The following APP variants were observed in gnomAD, a reference collection of about 807,000 sequenced individuals.
The protein encoded by APP is amyloid beta precursor protein.
A neutral mutation model predicts 101.4 loss-of-function variants in APP; 31 were observed. The ratio of observed to expected loss-of-function variants is 0.31; its 90% CI spans 0.23 to 0.41. The LOEUF (loss-of-function observed/expected upper bound fraction) is 0.41, where lower values mean the gene tolerates loss of function less well. Ranked by LOEUF, APP falls within the 10% of genes least tolerant of loss-of-function variation. The probability of loss-of-function intolerance (pLI) is 1.00; values close to 1 mark genes in which losing one functional copy is unlikely to be tolerated. For missense variants in APP, 839 were observed against 1,003.7 expected (o/e 0.84, Z 2.22); for synonymous variants, 366 against 364.4 (o/e 1.00, Z -0.05).
chr21:26,102,345 T>G (rs1413038149), intron 2 of APP, among the ~76,000 whole-genome samples: 3 of 152,066 alleles, frequency 2.0e-5, no homozygotes, highest in Non-Finnish European at 4.4e-5. Flanking sequence ...CGCCTCGGCC[T>G]CCCAAAGTGC....
intron 15 of APP, among the ~76,000 whole-genome samples, chr21:25,901,503 C>A (rs181497038): frequency 2.6e-5 from 4 of 152,138 alleles, no homozygotes; most frequent in Non-Finnish European, 5.9e-5. Flanking sequence ...TATAATAGTT[C>A]ATGTTTGTTT....
At chr21:26,124,448 T>A (rs751930887) in intron 1 of APP, among the ~76,000 whole-genome samples, 8 of 152,250 alleles carry the variant, frequency 5.3e-5, no homozygotes, top group Non-Finnish European at 1.0e-4. Context: ...AATTCTTTGA[T>A]AACACATTCC....
At chr21:26,076,751 C>T (rs959937062) in intron 3 of APP, among the ~76,000 whole-genome samples, 1 of 152,118 alleles carries the variant, frequency 6.6e-6, no homozygotes, top group Non-Finnish European at 1.5e-5. Context: ...AGTAACTTGA[C>T]TTGCAACTTC....
chr21:26,140,061 G>C (rs1214396193), intron 1 of APP: 1 of 1,002,326 alleles, frequency 1.0e-6, no homozygotes, highest in African/African-American at 1.6e-5. Flanking sequence ...AAGTAACATT[G>C]TACTTTTGAA....
chr21:26,029,260 C>T (rs1420338031), intron 5 of APP, among the ~76,000 whole-genome samples: 1 of 152,106 alleles, frequency 6.6e-6, no homozygotes, highest in Non-Finnish European at 1.5e-5. Flanking sequence ...CTGCTGGGCA[C>T]AGAATGGTCT....
At chr21:25,888,369 G>A (rs992601361) in intron 17 of APP, among the ~76,000 whole-genome samples, 4 of 152,172 alleles carry the variant, frequency 2.6e-5, no homozygotes, top group Non-Finnish European at 5.9e-5. Flanking sequence ...AGGCTGGGTT[G>A]CAACTCCCTG....
At chr21:25,887,133 C>G (rs1439082583) in intron 17 of APP, among the ~76,000 whole-genome samples, 1 of 152,082 alleles carries the variant, frequency 6.6e-6, no homozygotes, top group African/African-American at 2.4e-5. Flanking sequence ...CCAACTTCTC[C>G]TTATTAAAGG....
chr21:26,120,918 TCA>T (rs1454893149), intron 1 of APP, among the ~76,000 whole-genome samples: 3 of 152,182 alleles, frequency 2.0e-5, no homozygotes, highest in Non-Finnish European at 4.4e-5. Flanking sequence ...GCTACTGCAA[TCA>T]CACTCCATCA....
At chr21:25,904,636 C>T (rs1488147787) in intron 15 of APP, among the ~76,000 whole-genome samples, 1 of 152,084 alleles carries the variant, frequency 6.6e-6, no homozygotes, top group African/African-American at 2.4e-5. Flanking sequence ...GAGAGATGTT[C>T]ACACTGGTAT....
chr21:25,892,558 C>T (rs1005798161), intron 16 of APP, among the ~76,000 whole-genome samples: 1 of 152,208 alleles, frequency 6.6e-6, no homozygotes, highest in African/African-American at 2.4e-5. Context: ...AAGTGAAGTA[C>T]AGGCAACAAG....
chr21:26,089,792 T>G lies in APP; in HGVS notation c.355+151A>C. 3 of 1,179,944 alleles carry G rather than the reference T, an allele frequency of 2.5e-6. No homozygotes were observed. The South Asian group carries it at 4.2e-5, about 17-fold the overall frequency. The allele number at this position is 1,179,944 out of a possible 1,614,324, so 73.1% of individuals were successfully genotyped here. On this transcript the variant is annotated intron_variant, in intron 3 of 17. Coordinates refer to ENST00000346798, the MANE Select transcript of APP (RefSeq NM_000484.4). ...GCTCCTATAGGGTCAGTGCACAGAATGTAACTGCAAGAGTCCAAAACACAG... is the reference window on the plus strand; with the variant it reads ...GCTCCTATAGGGTCAGTGCACAGAAGGTAACTGCAAGAGTCCAAAACACAG...
At chr21:26,040,601 C>G (rs2045330186) in intron 5 of APP, among the ~76,000 whole-genome samples, 1 of 137,376 alleles carries the variant, frequency 7.3e-6, no homozygotes, top group Non-Finnish European at 1.6e-5. Flanking sequence ...GACTCCGTCT[C>G]CATTAAAAAA....
chr21:26,109,807 C>G (rs545503247), intron 2 of APP, among the ~76,000 whole-genome samples: 1 of 152,146 alleles, frequency 6.6e-6, no homozygotes, highest in African/African-American at 2.4e-5. Flanking sequence ...TAGATGCAAA[C>G]TATGACACAT....
intron 3 of APP, among the ~76,000 whole-genome samples, chr21:26,055,351 T>C (rs576038368): frequency 2.0e-5 from 3 of 152,204 alleles, no homozygotes; most frequent in African/African-American, 4.8e-5. Context: ...ATATAAATTA[T>C]AAGGAAAGAA....
chr21:25,904,981 A>T (rs749023520), intron 15 of APP, 43 bp downstream of exon 15: 1 of 1,574,820 alleles, frequency 6.3e-7, no homozygotes, highest in Non-Finnish European at 8.7e-7. Flanking sequence ...GCTCGAGCTT[A>T]GGCCCAAGAT....
chr21:25,975,362 T>TGGAATGACTATG, intron 10 of APP, 134 bp from the exon 11 acceptor site: 1 of 1,170,672 alleles, frequency 8.5e-7, no homozygotes, highest in Non-Finnish European at 1.2e-6. Context: ...GCATAGTCAT[T>TGGAATGACTATG]CCAACATTGA....
chr21:26,109,964 T>A (rs1043181284), intron 2 of APP, among the ~76,000 whole-genome samples: 4 of 152,184 alleles, frequency 2.6e-5, no homozygotes, highest in African/African-American at 9.7e-5. Context: ...CAAAAACATA[T>A]AAGTATGCAC....
Position 25,923,093 on chromosome 21 carries a change from G to C in APP, c.1688-11131C>G. ...TAACGCCGCATACCTACAACTATCTGATCTTTGACAAACCTGAGAAAAACA... is the reference window on the plus strand; with the variant it reads ...TAACGCCGCATACCTACAACTATCTCATCTTTGACAAACCTGAGAAAAACA... On this transcript the variant is annotated intron_variant, in intron 13 of 17. Coordinates refer to ENST00000346798, the MANE Select transcript of APP (RefSeq NM_000484.4). Among the ~76,000 whole-genome samples the C allele has an allele frequency of 1.6e-5, 2 of 128,834 alleles. 1 individual carries two copies. Among genetic ancestry groups the C allele is most frequent in the Non-Finnish European group, 3.2e-5 (2 of 62,168 alleles). The allele number at this position is 128,834 out of a possible 152,430, so 84.5% of individuals were successfully genotyped here. A position where few individuals can be genotyped will look rare whatever the true frequency, so the allele number is the denominator to read the frequency against.
At chr21:25,897,261 T>TCC (rs2038123935) in intron 16 of APP, among the ~76,000 whole-genome samples, 1 of 152,090 alleles carries the variant, frequency 6.6e-6, no homozygotes, top group Non-Finnish European at 1.5e-5. Context: ...TACAGGTGTT[T>TCC]GCCACCACAC....
Sources: gnomAD v4.1 joint callset for allele counts (sites outside exome capture counted in the v4.1 genomes callset) on GRCh38, gnomAD v4.1.1 for gene constraint, MANE v1.5 for transcripts, NCBI Gene and HGNC (gene_info 2026-07-23, HGNC 2026-07-21) for gene names.